The following ABCA13 variants were observed in gnomAD, a reference collection of about 807,000 sequenced individuals.
The protein encoded by ABCA13 is ATP binding cassette subfamily A member 13, also known as ATP-binding cassette sub-family A member 13.
Under a neutral mutation model 478.7 loss-of-function variants are expected in ABCA13, and 476 were observed. That is an observed-to-expected ratio of 0.99 (90% CI 0.92 to 1.07). The LOEUF is 1.07. Ranked by LOEUF, ABCA13 falls within the 50% of genes least tolerant of loss-of-function variation. ABCA13 has a pLI of 0.00. For synonymous variants in ABCA13, 2,252 were observed against 2,158.9 expected, an observed-to-expected ratio of 1.04 and a Z score of -1.20; for missense variants, 6,060 against 5,910.6, an observed-to-expected ratio of 1.03 and a Z score of -0.83.
intron 42 of ABCA13, among the ~76,000 whole-genome samples, chr7:48,452,960 C>T (rs1260206054): frequency 1.3e-5 from 2 of 152,104 alleles, no homozygotes; most frequent in Non-Finnish European, 2.9e-5. Context: ...GCACTATAAC[C>T]TCATAAAATC....
chr7:48,394,921 G>C lies in ABCA13; in HGVS notation c.11873+2782G>C. ...TGGGGGGTGTGTGAAGTGGGTGCAG[G>C]GGGTCAGCTGCCCTTGGTTGTATGG... On this transcript the variant is annotated intron_variant, in intron 38 of 61. Coordinates refer to ENST00000435803, the MANE Select transcript of ABCA13 (RefSeq NM_152701.5). Among the ~76,000 whole-genome samples the C allele has an allele frequency of 1.3e-5, 2 of 152,122 alleles. 1 individual carries two copies. The highest frequency in any genetic ancestry group is 6.3e-3 in the Middle Eastern group (2 of 316).
intron 45 of ABCA13, among the ~76,000 whole-genome samples, chr7:48,479,524 C>T (rs1372138225): frequency 6.6e-6 from 1 of 152,142 alleles, no homozygotes; most frequent in Non-Finnish European, 1.5e-5. Flanking sequence ...AGGTGTGAGC[C>T]CCTCGACTGG....
At chr7:48,399,841 C>G (rs962384756) in intron 38 of ABCA13, among the ~76,000 whole-genome samples, 1 of 152,090 alleles carries the variant, frequency 6.6e-6, no homozygotes, top group Non-Finnish European at 1.5e-5. Context: ...AAAGGAGACA[C>G]CTGCCCCACA....
At chr7:48,484,473 T>C (rs1410322384) in intron 47 of ABCA13, among the ~76,000 whole-genome samples, 1 of 152,254 alleles carries the variant, frequency 6.6e-6, no homozygotes, top group African/African-American at 2.4e-5. Flanking sequence ...TATACCTAAT[T>C]AGTAGAAGGA....
At chr7:48,595,326 A>G (rs1790171563) in intron 58 of ABCA13, among the ~76,000 whole-genome samples, 1 of 152,230 alleles carries the variant, frequency 6.6e-6, no homozygotes, top group African/African-American at 2.4e-5. Flanking sequence ...GCCCACAAAG[A>G]ATTACAAATA....
intron 59 of ABCA13, among the ~76,000 whole-genome samples, chr7:48,621,430 TATG>T (rs967799099): frequency 6.6e-5 from 10 of 152,124 alleles, no homozygotes; most frequent in African/African-American, 2.4e-4. Flanking sequence ...GGAGATAAAA[TATG>T]AGGGCAATGA....
intron 41 of ABCA13, among the ~76,000 whole-genome samples, chr7:48,418,599 G>A (rs538312653): frequency 2.6e-4 from 40 of 151,982 alleles, no homozygotes; most frequent in Non-Finnish European, 4.3e-4. Flanking sequence ...TCATCCCTAC[G>A]GTAGGTTTAT....
intron 59 of ABCA13, among the ~76,000 whole-genome samples, chr7:48,642,763 G>GGA (rs1298966373): frequency 6.6e-6 from 1 of 152,182 alleles, no homozygotes; most frequent in East Asian, 1.9e-4. Flanking sequence ...CCCTTAGGCA[G>GGA]GAGACTTCCT....
At chr7:48,417,268 T>A (rs947019082) in intron 41 of ABCA13, among the ~76,000 whole-genome samples, 1 of 152,198 alleles carries the variant, frequency 6.6e-6, no homozygotes, top group South Asian at 2.1e-4. Context: ...CATGCATTTG[T>A]GTCCTAGATG....
intron 42 of ABCA13, among the ~76,000 whole-genome samples, chr7:48,452,812 C>T (rs896019586): frequency 1.9e-4 from 29 of 152,172 alleles, no homozygotes; most frequent in African/African-American, 7.0e-4. Context: ...GTGAAGATAT[C>T]AAGTAATTAT....
In ABCA13 at chr7:48,391,937, C is replaced by T; in HGVS notation, c.11671C>T (p.Leu3891Phe). Residue 3891 changes from leucine to phenylalanine, a missense_variant, in exon 38 of 62, where the codon CTC (leucine) becomes TTC (phenylalanine). Leu to Phe is a conservative substitution (Grantham distance 22). Transcript: ENST00000435803. ...CTCTGGCAGATCCATGTTGACGGGG[C>T]TCCACCCTCCCACTTCTGGAACCAT... The part of the protein sequence containing the change: ...KTTIISMLTG[L>F]HPPTSGTIII... The T allele has an allele frequency of 1.2e-6, 2 of 1,613,876 alleles. No homozygotes were observed. Among genetic ancestry groups the T allele is most frequent in the Non-Finnish European group, 1.7e-6 (2 of 1,179,834 alleles).
Position 48,278,231 on chromosome 7 carries a change from T to TA in ABCA13, c.7038dup (p.Asp2347ArgfsTer8). On this transcript the variant is annotated frameshift_variant, in exon 18 of 62. Coordinates refer to ENST00000435803, the MANE Select transcript of ABCA13 (RefSeq NM_152701.5). LOFTEE classifies it high-confidence loss of function. The stretch of plus-strand genomic sequence containing the variant: ...CACCTAATGAAAAGTTCATTTATAT[T>TA]AGACAATGGAGAATTTTATTTTGAT... 1 of 1,608,872 alleles carries TA rather than the reference T, an allele frequency of 6.2e-7. No individual in the cohort carries two copies. The highest frequency in any genetic ancestry group is 8.5e-7 in the Non-Finnish European group (1 of 1,176,794).
At chr7:48,247,537 G>A (rs751974627) in intron 13 of ABCA13, among the ~76,000 whole-genome samples, 93 of 151,970 alleles carry the variant, frequency 6.1e-4, no homozygotes, top group Admixed American at 1.1e-3. Flanking sequence ...TTATTTTCTC[G>A]CTCTTCTGAC....
intron 48 of ABCA13, among the ~76,000 whole-genome samples, chr7:48,503,949 T>C (rs915268685): frequency 6.6e-6 from 1 of 152,236 alleles, no homozygotes; most frequent in African/African-American, 2.4e-5. Context: ...TTTTGTAATG[T>C]ATACATATAT....
intron 55 of ABCA13, among the ~76,000 whole-genome samples, chr7:48,571,844 C>T (rs866065896): frequency 1.3e-5 from 2 of 152,220 alleles, no homozygotes; most frequent in Middle Eastern, 3.4e-3. Context: ...GGGGACCTTA[C>T]TTTTGTTTTT....
At chr7:48,623,789 A>T (rs1793389231) in intron 59 of ABCA13, among the ~76,000 whole-genome samples, 1 of 152,196 alleles carries the variant, frequency 6.6e-6, no homozygotes, top group South Asian at 2.1e-4. Flanking sequence ...AAAGAAGTCT[A>T]AGAAATGTAG....
chr7:48,583,611 C>T (rs960250789), intron 56 of ABCA13, among the ~76,000 whole-genome samples: 2 of 152,156 alleles, frequency 1.3e-5, no homozygotes, highest in African/African-American at 4.8e-5. Flanking sequence ...CATCCGCAAA[C>T]GAAAGCATCC....
Position 48,374,381 on chromosome 7 carries a change from T to C in ABCA13, c.11168T>C (p.Val3723Ala). The C allele has an allele frequency of 3.7e-6, 6 of 1,610,174 alleles. No individual in the cohort carries two copies. The highest frequency in any genetic ancestry group is 5.1e-6 in the Non-Finnish European group (6 of 1,178,408). ...TCGACAACCGCCTTTGGACAAGGGG[T>C]ATTTTTTATTACATTCCTGGAAGGA... ...LLSTTAFGQG[V>A]FFITFLEGQE... Residue 3723 changes from valine to alanine, a missense_variant, in exon 34 of 62, where the codon GTA becomes GCA. Physicochemically the swap from Val to Ala is moderately conservative, Grantham distance 64. Around this residue, in one of 3 missense-constraint regions of ABCA13, gnomAD observed 4,423 missense variants for 4,309.1 expected, o/e 1.03. Transcript: ENST00000435803.
rs779493265 is a variant in ABCA13 at position 48,279,484 on chromosome 7, T to C, written c.8290T>C (p.Phe2764Leu). ...NWNVSNVLMTFTQHPNNLLKT... is the reference protein window; with the variant it reads ...NWNVSNVLMTLTQHPNNLLKT... ...GAATGTTTCTAATGTGTTGATGACA[T>C]TTACTCAGCATCCAAATAACCTTTT... The change falls in exon 18 of 62, where the codon TTT (phenylalanine) becomes CTT (leucine). Residue 2764 changes from phenylalanine (F) to leucine (L), a missense_variant. By Grantham distance (22) the Phe-to-Leu change is conservative. Transcript: ENST00000435803. 6.2e-7 allele frequency: 1 copy of C among 1,612,508 alleles called. No homozygotes were observed. Among genetic ancestry groups the C allele is most frequent in the East Asian group, 2.2e-5 (1 of 44,790 alleles).
Sources: gnomAD v4.1 joint callset for allele counts (sites outside exome capture counted in the v4.1 genomes callset) on GRCh38, gnomAD v4.1.1 for gene constraint, gnomAD v4.1.1 regional missense constraint, MANE v1.5 for transcripts, NCBI Gene and HGNC (gene_info 2026-07-23, HGNC 2026-07-21) for gene names.